FMN1: variants seen among roughly 807,000 people sequenced by gnomAD.
FMN1 encodes the protein formin 1.
A neutral mutation model predicts 132.4 loss-of-function variants in FMN1; 110 were observed. The observed-to-expected ratio is 0.83, with a 90% CI of 0.71 to 0.97. FMN1 has a LOEUF of 0.97. FMN1 is among the 50% of genes least tolerant of loss of function. The pLI is 0.00. For missense variants in FMN1, 1,792 were observed against 1,705.3 expected (o/e 1.05, Z -0.90); for synonymous variants, 722 against 651.7 (o/e 1.11, Z -1.64).
intron 6 of FMN1, among the ~76,000 whole-genome samples, chr15:33,014,408 C>T (rs1212028397): frequency 4.6e-5 from 7 of 152,130 alleles, no homozygotes; most frequent in Non-Finnish European, 1.0e-4. Context: ...TATTCAGTAG[C>T]TCTGGGACCT....
intron 6 of FMN1, among the ~76,000 whole-genome samples, chr15:33,018,418 G>C (rs1310341555): frequency 6.6e-6 from 1 of 152,158 alleles, no homozygotes; most frequent in Non-Finnish European, 1.5e-5. Context: ...GGGCAGAGGA[G>C]CTGAAGGTTG....
chr15:32,975,635 T>C (rs1477306385), intron 7 of FMN1, among the ~76,000 whole-genome samples: 1 of 150,880 alleles, frequency 6.6e-6, no homozygotes, highest in Non-Finnish European at 1.5e-5. Flanking sequence ...ACATCCAAAT[T>C]TTTTTTTTAA....
In FMN1 at chr15:32,973,576, A is replaced by ACCCTCC. The variant is rs1555508117; in HGVS notation, c.2224-4100_2224-4099insGGAGGG. ...ATTTAATTGCCTCTCTCTGCCCCTCACCCCCCCCAAAAAAACACTTGTCTT... is the reference window on the plus strand; with the variant it reads ...ATTTAATTGCCTCTCTCTGCCCCTCACCCTCCCCCCCCCCAAAAAAACACTTGTCTT... On this transcript the variant is annotated intron_variant, in intron 7 of 20. Transcript: ENST00000616417. Among the ~76,000 whole-genome samples, 107 of 147,420 alleles carry ACCCTCC rather than the reference A, an allele frequency of 7.3e-4. 1 individual carries two copies. The East Asian group carries it at 0.016, about 22-fold the overall frequency.
intron 6 of FMN1, among the ~76,000 whole-genome samples, chr15:33,046,349 G>A (rs1222057328): frequency 1.3e-5 from 2 of 152,040 alleles, no homozygotes; most frequent in African/African-American, 2.4e-5. Context: ...TGAAAATGAG[G>A]GTTCCCAAAT....
chr15:32,794,357 C>T (rs1348374642), intron 19 of FMN1, among the ~76,000 whole-genome samples: 5 of 152,108 alleles, frequency 3.3e-5, no homozygotes, highest in Admixed American at 2.6e-4. Flanking sequence ...TTAAAGTTTG[C>T]TTTGGCTCAG....
intron 4 of FMN1, among the ~76,000 whole-genome samples, chr15:33,128,559 A>C (rs775888252): frequency 1.3e-5 from 2 of 152,220 alleles, no homozygotes; most frequent in Non-Finnish European, 2.9e-5. Flanking sequence ...CCGAGTCCGG[A>C]GTTTCTTGCT....
chr15:33,154,202 G>C lies in FMN1; in HGVS notation c.713C>G (p.Pro238Arg). The part of the protein sequence containing the change: ...CSLQRRESCP[P>R]DIPKTPDTDL... The stretch of plus-strand genomic sequence containing the variant: ...TGTGTCTGGCGTCTTGGGAATATCT[G>C]GGGGGCAGCTCTCTCTCCTCTGCAG... The change falls in exon 4 of 21, where the codon CCA (proline) becomes CGA (arginine). Residue 238 changes from proline to arginine, a missense_variant. Physicochemically the swap from Pro to Arg is moderately radical, Grantham distance 103. Transcript: ENST00000616417. 6.5e-7 allele frequency: 1 copy of C among 1,536,258 alleles called. No homozygotes were observed. Among genetic ancestry groups the C allele is most frequent in the Non-Finnish European group, 8.7e-7 (1 of 1,146,952 alleles).
intron 4 of FMN1, among the ~76,000 whole-genome samples, chr15:33,124,721 G>A (rs941824578): frequency 1.3e-5 from 2 of 152,116 alleles, no homozygotes; most frequent in African/African-American, 2.4e-5. Flanking sequence ...TGGAAGGAGA[G>A]GGAGGAAATC....
At chr15:33,080,691 A>G (rs569419566) in intron 5 of FMN1, among the ~76,000 whole-genome samples, 1 of 152,238 alleles carries the variant, frequency 6.6e-6, no homozygotes, top group Admixed American at 6.5e-5. Flanking sequence ...GTTCAAGACC[A>G]GCCTGACCAA....
At chr15:33,143,297 G>A (rs963666719) in intron 4 of FMN1, among the ~76,000 whole-genome samples, 5 of 152,132 alleles carry the variant, frequency 3.3e-5, no homozygotes, top group African/African-American at 1.2e-4. Context: ...CACATGATAT[G>A]ACATGAAACC....
chr15:33,136,045 A>C (rs1435724751), intron 4 of FMN1, among the ~76,000 whole-genome samples: 1 of 152,236 alleles, frequency 6.6e-6, no homozygotes, highest in African/African-American at 2.4e-5. Context: ...AATGTTTTGA[A>C]TGCTTTTGTA....
intron 7 of FMN1, among the ~76,000 whole-genome samples, chr15:33,006,573 G>A (rs572003950): frequency 6.6e-6 from 1 of 151,526 alleles, no homozygotes; most frequent in Non-Finnish European, 1.5e-5. Context: ...GTATGTTGAA[G>A]AGATATCTAC....
At chr15:32,793,950 T>C (rs2057183215) in intron 19 of FMN1, among the ~76,000 whole-genome samples, 1 of 152,224 alleles carries the variant, frequency 6.6e-6, no homozygotes, top group Non-Finnish European at 1.5e-5. Flanking sequence ...GTGTCTACAC[T>C]GCAGTCAGTG....
chr15:33,102,410 C>A (rs188147214), intron 4 of FMN1, among the ~76,000 whole-genome samples: 271 of 152,194 alleles, frequency 1.8e-3, no homozygotes, highest in Non-Finnish European at 3.1e-3. Flanking sequence ...CTAGACTATT[C>A]TCATAAAACT....
At position 32,949,407 on chromosome 15, in the gene FMN1, C is replaced by T. The variant is rs951558073; in HGVS notation, c.3138+14700G>A. Among the ~76,000 whole-genome samples, 6 of 152,024 alleles carry T rather than the reference C, an allele frequency of 3.9e-5. 1 individual carries two copies. Among genetic ancestry groups the T allele is most frequent in the Non-Finnish European group, 8.8e-5 (6 of 68,006 alleles). ...TGCCACCAATAAGACGGCACACCTA[C>T]AACTATCTGACCTTTGACAAACTTG... On this transcript the variant is annotated intron_variant, in intron 9 of 20. Coordinates refer to ENST00000616417, the MANE Select transcript of FMN1 (RefSeq NM_001277313.2).
chr15:32,864,275 A>T (rs2059342892), intron 16 of FMN1, among the ~76,000 whole-genome samples: 1 of 152,194 alleles, frequency 6.6e-6, no homozygotes, highest in Non-Finnish European at 1.5e-5. Context: ...CAGGGTTAAG[A>T]GTAGGGAGTG....
intron 6 of FMN1, among the ~76,000 whole-genome samples, chr15:33,040,437 C>A (rs970644995): frequency 6.6e-6 from 1 of 152,184 alleles, no homozygotes; most frequent in East Asian, 1.9e-4. Context: ...CAGAAAAAAA[C>A]CATTAAGTGC....
chr15:32,961,065 C>T (rs1049908474), intron 9 of FMN1, among the ~76,000 whole-genome samples: 29 of 147,122 alleles, frequency 2.0e-4, no homozygotes, highest in South Asian at 4.3e-4. Flanking sequence ...TTTCAAAACA[C>T]TGCCTCAAAC....
intron 14 of FMN1, 135 bp downstream of exon 14, chr15:32,899,844 A>T (rs2060252297): frequency 2.3e-6 from 2 of 885,148 alleles, no homozygotes; most frequent in South Asian, 3.5e-5. Flanking sequence ...AAACAAAAAA[A>T]TGCATGCTCT....
Sources: allele counts gnomAD v4.1 joint callset (sites outside exome capture counted in the v4.1 genomes callset), GRCh38; gene constraint gnomAD v4.1.1; transcripts MANE v1.5; gene names NCBI Gene and HGNC (gene_info 2026-07-23, HGNC 2026-07-21).